TSHZ2: variants seen among roughly 807,000 people sequenced by gnomAD.
TSHZ2 encodes teashirt zinc finger homeobox 2.
In TSHZ2, 21 loss-of-function variants were observed where a neutral mutation model predicts 74.4. That is an observed-to-expected ratio of 0.28 (90% CI 0.20 to 0.41). The LOEUF (loss-of-function observed/expected upper bound fraction) is 0.41. TSHZ2 is among the 10% of genes least tolerant of loss of function. The pLI, the probability that TSHZ2 is intolerant of heterozygous loss-of-function variation, is 1.00. For missense variants in TSHZ2, 1,244 were observed against 1,293.5 expected, an observed-to-expected ratio of 0.96 and a Z score of 0.59; for synonymous variants, 540 against 515.3, an observed-to-expected ratio of 1.05 and a Z score of -0.65.
At chr20:53,340,390 TAGTC>T (rs1980148142) in intron 2 of TSHZ2, among the ~76,000 whole-genome samples, 2 of 152,034 alleles carry the variant, frequency 1.3e-5, no homozygotes, top group South Asian at 4.2e-4. Flanking sequence ...TTCACCGTGT[TAGTC>T]AGGATGGTCT....
chr20:53,047,401 T>C (rs549610138), intron 1 of TSHZ2, among the ~76,000 whole-genome samples: 1 of 152,206 alleles, frequency 6.6e-6, no homozygotes, highest in Non-Finnish European at 1.5e-5. Flanking sequence ...TGGTCCAAGA[T>C]GGCTGCCCTG....
intron 1 of TSHZ2, among the ~76,000 whole-genome samples, chr20:53,163,406 G>C (rs1271722012): frequency 9.1e-6 from 1 of 109,774 alleles, no homozygotes; most frequent in South Asian, 3.0e-4. Flanking sequence ...GGGCATCTTT[G>C]GTGCCACAGT....
At chr20:53,440,820 G>A (rs1297077387) in intron 2 of TSHZ2, among the ~76,000 whole-genome samples, 1 of 152,214 alleles carries the variant, frequency 6.6e-6, no homozygotes, top group African/African-American at 2.4e-5. Context: ...AAAACAAGCT[G>A]TGAACTACAT....
intron 1 of TSHZ2, among the ~76,000 whole-genome samples, chr20:53,127,065 AAGAG>A (rs1025226401): frequency 1.3e-5 from 2 of 152,206 alleles, no homozygotes; most frequent in African/African-American, 2.4e-5. Context: ...GGAGGCAGGA[AAGAG>A]AGAAGAGAGA....
rs190587903 is a variant in TSHZ2, at chr20:53,070,714, G to C, written c.40+97381G>C. ...TAGTGGCTTTTATTGTTTCTGTTAG[G>C]TGTTGTTGCAGAGAGGTTCACATAA... On this transcript the variant is annotated intron_variant, in intron 1 of 2. Coordinates refer to ENST00000371497, the MANE Select transcript of TSHZ2 (RefSeq NM_173485.6). 2.4e-4 allele frequency among the ~76,000 whole-genome samples: 36 copies of C among 152,270 alleles called. 2 individuals are homozygous for C. The highest frequency in any genetic ancestry group is 2.0e-3 in the Admixed American group (31 of 15,298).
intron 1 of TSHZ2, among the ~76,000 whole-genome samples, chr20:53,249,854 G>C (rs1357782609): frequency 2.6e-5 from 4 of 152,150 alleles, no homozygotes; most frequent in Non-Finnish European, 5.9e-5. Context: ...TAAAAGAGAG[G>C]GCTGTCATGA....
At position 52,973,087 on chromosome 20, in the gene TSHZ2, C is replaced by T. The variant is rs1981185766; in HGVS notation, c.-207C>T. On this transcript the variant is annotated 5_prime_UTR_variant, in exon 1 of 3. Coordinates refer to ENST00000371497, the MANE Select transcript of TSHZ2 (RefSeq NM_173485.6). Reference sequence around the variant, plus strand: ...CTACTTCAAAGCAGCCGGCACAAGCCACCCGTGTCTGCCACCCAGAGAGGG... The same window carrying T: ...CTACTTCAAAGCAGCCGGCACAAGCTACCCGTGTCTGCCACCCAGAGAGGG... The T allele has an allele frequency of 1.8e-6, 1 of 553,364 alleles. No individual in the cohort carries two copies. The highest frequency in any genetic ancestry group is 3.2e-6 in the Non-Finnish European group (1 of 315,516). 34.3% of individuals were successfully genotyped at this position (553,364 alleles called of 1,614,324 possible).
chr20:53,255,906 C>G lies in TSHZ2; in HGVS notation c.2448C>G (p.Val816=). ...TTPKPASSSR[V]PPMKLEMDVR... is the part of the protein sequence containing the mutation. Reference sequence around the variant, plus strand: ...CAAAGCCAGCCTCCTCCTCCAGGGTCCCCCCCATGAAGCTGGAAATGGATG... The same window carrying G: ...CAAAGCCAGCCTCCTCCTCCAGGGTGCCCCCCATGAAGCTGGAAATGGATG... The change falls in exon 2 of 3, where the codon GTC becomes GTG. Residue 816 remains valine, a synonymous_variant. Transcript: ENST00000371497. This position sits in a 1 kb window ranked among gnomAD's most constrained non-coding sequence, Gnocchi z 4.1. 1 of 1,613,744 alleles carries G rather than the reference C, an allele frequency of 6.2e-7. No individual in the cohort carries two copies. The highest frequency in any genetic ancestry group is 8.5e-7 in the Non-Finnish European group (1 of 1,179,802).
At chr20:52,988,312 A>G (rs1202246606) in intron 1 of TSHZ2, among the ~76,000 whole-genome samples, 1 of 152,032 alleles carries the variant, frequency 6.6e-6, no homozygotes, top group Admixed American at 6.5e-5. Context: ...GGTTATGATT[A>G]TTGGCCAATT....
Position 53,255,539 on chromosome 20 carries a change from C to T in TSHZ2, c.2081C>T (p.Pro694Leu). 6.3e-7 allele frequency: 1 copy of T among 1,584,336 alleles called. No homozygotes were observed. The highest frequency in any genetic ancestry group is 1.2e-5 in the South Asian group (1 of 85,806). The stretch of plus-strand genomic sequence containing the variant: ...GCCCCGGCCCTGCCATGCATCAACC[C>T]ACTCAGCGCCCTGCAGTCCGTCCTG... ...NHAPALPCINPLSALQSVLNN... is the reference protein window; with the variant it reads ...NHAPALPCINLLSALQSVLNN... The change falls in exon 2 of 3, where the codon CCA (proline) becomes CTA (leucine). Residue 694 changes from proline to leucine, a missense_variant. Physicochemically the swap from Pro to Leu is moderately conservative, Grantham distance 98 (BLOSUM62 -3). Coordinates refer to ENST00000371497, the MANE Select transcript of TSHZ2 (RefSeq NM_173485.6). The surrounding 1 kb of genome is among the most constrained non-coding windows in gnomAD (Gnocchi z 4.1).
At chr20:53,016,043 C>A (rs73284182) in intron 1 of TSHZ2, among the ~76,000 whole-genome samples, 1,838 of 152,142 alleles carry the variant, frequency 0.012, 39 homozygotes, top group African/African-American at 0.042. Context: ...ATGTAAATCA[C>A]CATAATGGAC....
chr20:53,056,449 C>T (rs1984642805), intron 1 of TSHZ2, among the ~76,000 whole-genome samples: 1 of 152,150 alleles, frequency 6.6e-6, no homozygotes, highest in Admixed American at 6.6e-5. Flanking sequence ...ATACCGTTGT[C>T]GTTATCAAGG....
At chr20:53,143,488 T>G (rs1356378411) in intron 1 of TSHZ2, among the ~76,000 whole-genome samples, 1 of 152,028 alleles carries the variant, frequency 6.6e-6, no homozygotes, top group African/African-American at 2.4e-5. Flanking sequence ...GGTCAGAAGA[T>G]CGAGACCATC....
In TSHZ2 at chr20:53,343,262, G is replaced by A. The variant is rs564810645; in HGVS notation, c.*8+86691G>A. On this transcript the variant is annotated intron_variant, in intron 2 of 2. Coordinates refer to ENST00000371497, the MANE Select transcript of TSHZ2 (RefSeq NM_173485.6). ...GATTACAGGCGTGAGCCACCGCACCGGGCCAGGACCCGTATTTCTAACAAG... is the reference window on the plus strand; with the variant it reads ...GATTACAGGCGTGAGCCACCGCACCAGGCCAGGACCCGTATTTCTAACAAG... Among the ~76,000 whole-genome samples the A allele has an allele frequency of 1.3e-4, 20 of 152,080 alleles. 2 individuals are homozygous for A. The South Asian group carries it at 3.5e-3, about 27-fold the overall frequency.
chr20:53,175,131 C>CTTTTTTT lies in TSHZ2; in HGVS notation c.41-78346_41-78340dup, dbSNP rs750453219. On this transcript the variant is annotated intron_variant, in intron 1 of 2. Transcript: ENST00000371497. ...CTCCTTCTCCTCCTTCTTCTTCTTT[C>CTTTTTTT]TTTTTTTTTTTTTTTTTTTTTTTTT... Among the ~76,000 whole-genome samples, 612 of 63,606 alleles carry CTTTTTTT rather than the reference C, an allele frequency of 9.6e-3. 32 individuals carry two copies. The highest frequency in any genetic ancestry group is 0.028 in the East Asian group (33 of 1,200). 41.7% of individuals were successfully genotyped at this position (63,606 alleles called of 152,430 possible). A position where few individuals can be genotyped will look rare whatever the true frequency, so the allele number is the denominator to read the frequency against.
intron 1 of TSHZ2, among the ~76,000 whole-genome samples, chr20:52,994,732 G>A (rs76383530): frequency 0.02 from 3,057 of 152,178 alleles, 36 homozygotes; most frequent in Middle Eastern, 0.031. Context: ...TTTTTCCCTG[G>A]TTGGCCACTC....
chr20:53,196,255 C>A (rs1011081662), intron 1 of TSHZ2: 1 of 150,844 alleles, frequency 6.6e-6, no homozygotes, highest in Non-Finnish European at 1.5e-5. Flanking sequence ...TCTCAATGAG[C>A]AAGAGGAATT....
Position 53,020,513 on chromosome 20 carries a change from C to T in TSHZ2, c.40+47180C>T, listed in dbSNP as rs148810664. Among the ~76,000 whole-genome samples, 579 of 152,226 alleles carry T rather than the reference C, an allele frequency of 3.8e-3. 4 individuals are homozygous for T. The highest frequency in any genetic ancestry group is 0.013 in the African/African-American group (556 of 41,510). Reference sequence around the variant, plus strand: ...CGTTTCTGCTGTTTGTAAAAAGGTCCGAAACCACTAGCTTCTTGTGGCTAT... The same window carrying T: ...CGTTTCTGCTGTTTGTAAAAAGGTCTGAAACCACTAGCTTCTTGTGGCTAT... On this transcript the variant is annotated intron_variant, in intron 1 of 2. Transcript: ENST00000371497.
At chr20:53,058,432 G>A (rs1030226519) in intron 1 of TSHZ2, among the ~76,000 whole-genome samples, 2 of 152,206 alleles carry the variant, frequency 1.3e-5, no homozygotes, top group African/African-American at 4.8e-5. Flanking sequence ...GCTACAGTTT[G>A]TGAGGCCTGA....
Sources: gnomAD v4.1 joint callset for allele counts (sites outside exome capture counted in the v4.1 genomes callset) on GRCh38, gnomAD v4.1.1 for gene constraint, Gnocchi (gnomAD v3.1) non-coding constraint, MANE v1.5 for transcripts, NCBI Gene and HGNC (gene_info 2026-07-23, HGNC 2026-07-21) for gene names.